CHRM2: variants seen among roughly 807,000 people sequenced by gnomAD.
The protein encoded by CHRM2 is muscarinic acetylcholine receptor M2.
Under a neutral mutation model 25.0 loss-of-function variants are expected in CHRM2, and 8 were observed. The ratio of observed to expected loss-of-function variants is 0.32; its 90% confidence interval spans 0.19 to 0.58. The LOEUF is 0.58. Ranked by LOEUF, CHRM2 falls within the 20% of genes least tolerant of loss-of-function variation. CHRM2 has a pLI of 0.88. For missense variants in CHRM2, 440 were observed against 567.1 expected (o/e 0.78, Z 2.28); for synonymous variants, 202 against 205.7 (o/e 0.98, Z 0.15).
chr7:136,908,457 CCT>C (rs2130668653), intron 2 of CHRM2, among the ~76,000 whole-genome samples: 1 of 151,922 alleles, frequency 6.6e-6, no homozygotes, highest in Admixed American at 6.6e-5. Context: ...TATTGCAATA[CCT>C]CTCTGTTAAT....
At chr7:136,985,272 G>C (rs1449618194) in intron 2 of CHRM2, among the ~76,000 whole-genome samples, 2 of 152,142 alleles carry the variant, frequency 1.3e-5, no homozygotes, top group African/African-American at 2.4e-5. Flanking sequence ...AGCACTTTGT[G>C]AGGCCAAGGT....
At chr7:136,922,205 G>T (rs1381540938) in intron 2 of CHRM2, among the ~76,000 whole-genome samples, 1 of 152,122 alleles carries the variant, frequency 6.6e-6, no homozygotes, top group Non-Finnish European at 1.5e-5. Flanking sequence ...TGTCATCCTT[G>T]ACTCTGCTTT....
At chr7:136,890,370 A>C (rs1274726370) in intron 2 of CHRM2, among the ~76,000 whole-genome samples, 2 of 152,212 alleles carry the variant, frequency 1.3e-5, no homozygotes, top group Non-Finnish European at 2.9e-5. Flanking sequence ...TGTTGATCGT[A>C]TATTCTGAGG....
At chr7:136,940,445 A>G (rs1463718056) in intron 2 of CHRM2, among the ~76,000 whole-genome samples, 1 of 152,208 alleles carries the variant, frequency 6.6e-6, no homozygotes, top group African/African-American at 2.4e-5. Context: ...AAGTTACTCA[A>G]TCATCTTGTA....
intron 2 of CHRM2, among the ~76,000 whole-genome samples, chr7:136,923,932 G>C (rs1798591456): frequency 6.6e-6 from 1 of 152,106 alleles, no homozygotes; most frequent in Non-Finnish European, 1.5e-5. Context: ...AGGATCATTT[G>C]AGTTCAGGAG....
intron 2 of CHRM2, among the ~76,000 whole-genome samples, chr7:136,886,135 A>G (rs1796455560): frequency 6.6e-6 from 1 of 152,196 alleles, no homozygotes; most frequent in Admixed American, 6.5e-5. Flanking sequence ...TTTGACATTT[A>G]CCTAAAAAGG....
chr7:136,965,481 A>G (rs995621403), intron 2 of CHRM2, among the ~76,000 whole-genome samples: 2 of 152,126 alleles, frequency 1.3e-5, no homozygotes, highest in African/African-American at 4.8e-5. Flanking sequence ...TTTATTTTGC[A>G]TATTAATTAT....
intron 2 of CHRM2, among the ~76,000 whole-genome samples, chr7:136,936,007 G>A (rs1381347948): frequency 1.3e-5 from 2 of 152,046 alleles, no homozygotes; most frequent in East Asian, 3.9e-4. Context: ...GGAAAGTGGT[G>A]TTTAATTTAA....
At chr7:136,932,617 C>CAA (rs1205596999) in intron 2 of CHRM2, among the ~76,000 whole-genome samples, 1 of 152,082 alleles carries the variant, frequency 6.6e-6, no homozygotes, top group Admixed American at 6.6e-5. Flanking sequence ...TACATTAAAA[C>CAA]AAACTAAAAT....
At chr7:136,949,324 T>C (rs915555505) in intron 2 of CHRM2, among the ~76,000 whole-genome samples, 6 of 152,036 alleles carry the variant, frequency 3.9e-5, no homozygotes, top group Non-Finnish European at 7.4e-5. Flanking sequence ...AAGTGCTTAA[T>C]ATAAAACTCC....
intron 2 of CHRM2, among the ~76,000 whole-genome samples, chr7:136,874,382 CCTT>C (rs1332275065): frequency 6.6e-6 from 1 of 151,554 alleles, no homozygotes; most frequent in Non-Finnish European, 1.5e-5. Context: ...TGTTCTAGCT[CCTT>C]CTTTTATACT....
In CHRM2 at chr7:136,874,567, G is replaced by GC. The variant is rs1350306068; in HGVS notation, c.-125+5156dup. Among the ~76,000 whole-genome samples the GC allele has an allele frequency of 1.3e-4, 9 of 71,000 alleles. No homozygotes were observed. In the East Asian group the frequency reaches 1.8e-3, roughly 14 times the overall value. 46.6% of individuals were successfully genotyped at this position (71,000 alleles called of 152,430 possible). The stretch of plus-strand genomic sequence containing the variant: ...TCCCCCATGCCCTCCCTCTCTCTCT[G>GC]CCCCCCCTCTCTCCCCTCTTCCCTC... On this transcript the variant is annotated intron_variant, in intron 2 of 3. Transcript: ENST00000680005.
At chr7:136,951,553 G>T (rs1800414708) in intron 2 of CHRM2, among the ~76,000 whole-genome samples, 1 of 152,084 alleles carries the variant, frequency 6.6e-6, no homozygotes, top group South Asian at 2.1e-4. Context: ...CTCTCTGATT[G>T]CAAATAAGAA....
At chr7:136,955,702 T>G (rs546226280) in intron 2 of CHRM2, among the ~76,000 whole-genome samples, 1 of 152,312 alleles carries the variant, frequency 6.6e-6, no homozygotes, top group East Asian at 1.9e-4. Flanking sequence ...TTTTGCAGAA[T>G]TTTGGAATAA....
chr7:136,899,385 T>C (rs1018780287), intron 2 of CHRM2: 2 of 152,080 alleles, frequency 1.3e-5, no homozygotes, highest in African/African-American at 4.8e-5. Context: ...AATAATTGGT[T>C]TTTCTCCTAA....
intron 2 of CHRM2, among the ~76,000 whole-genome samples, chr7:136,888,841 T>G (rs937956978): frequency 1.3e-5 from 2 of 151,880 alleles, no homozygotes; most frequent in African/African-American, 4.8e-5. Context: ...AGTCAGGAGA[T>G]CGAGACCATC....
intron 2 of CHRM2, among the ~76,000 whole-genome samples, chr7:136,931,587 C>T (rs1441638748): frequency 6.6e-6 from 1 of 152,184 alleles, no homozygotes; most frequent in Non-Finnish European, 1.5e-5. Flanking sequence ...CCAGCACCTC[C>T]CCCATCATGA....
intron 2 of CHRM2, among the ~76,000 whole-genome samples, chr7:136,903,714 T>G (rs1797367030): frequency 6.6e-6 from 1 of 151,942 alleles, no homozygotes; most frequent in Non-Finnish European, 1.5e-5. Context: ...TCATTTTTAT[T>G]TATATCTTTA....
intron 2 of CHRM2, among the ~76,000 whole-genome samples, chr7:136,981,307 A>C (rs913989679): frequency 7.2e-5 from 11 of 152,064 alleles, no homozygotes; most frequent in African/African-American, 2.4e-4. Flanking sequence ...ATCATTTTTC[A>C]TTGTGTCTAT....
Sources: allele counts gnomAD v4.1 joint callset (sites outside exome capture counted in the v4.1 genomes callset), GRCh38; gene constraint gnomAD v4.1.1; transcripts MANE v1.5; gene names NCBI Gene and HGNC (gene_info 2026-07-23, HGNC 2026-07-21).